The following PLB1 variants were observed in gnomAD, a reference collection of about 807,000 sequenced individuals.
The protein encoded by PLB1 is phospholipase B1, also known as phospholipase B1, membrane-associated.
PLB1 carries 242 observed loss-of-function variants against 227.4 expected under a neutral mutation model. The ratio of observed to expected loss-of-function variants is 1.06; its 90% CI spans 0.96 to 1.18. The LOEUF is 1.18. Ranked by LOEUF, PLB1 falls within the 50% of genes most tolerant of loss-of-function variation. The pLI is 0.00. For synonymous variants in PLB1, 757 were observed against 682.2 expected (o/e 1.11, Z -1.71); for missense variants, 1,858 against 1,816.3 (o/e 1.02, Z -0.42).
rs199956223 is a variant in PLB1, at chr2:28,541,724, C to T, written c.792C>T (p.Leu264=). The T allele has an allele frequency of 1.2e-6, 2 of 1,613,850 alleles. No homozygotes were observed. The highest frequency in any genetic ancestry group is 8.5e-7 in the Non-Finnish European group (1 of 1,179,988). Residue 264 remains leucine, a synonymous_variant, in exon 13 of 58, where the codon CTC becomes CTT. Transcript: ENST00000327757. ...TTCTCCAGGAAGCCTGGAACAGCCTCCTGGCCTCCAGCAGGTACAGTGAGC... is the reference window on the plus strand; with the variant it reads ...TTCTCCAGGAAGCCTGGAACAGCCTTCTGGCCTCCAGCAGGTACAGTGAGC... ...QWSYQEAWNS[L]LASSRYSEQE... is the part of the protein sequence containing the mutation.
At chr2:28,537,623 C>T in intron 9 of PLB1, among the ~76,000 whole-genome samples, 1 of 140,976 alleles carries the variant, frequency 7.1e-6, no homozygotes, top group Non-Finnish European at 1.5e-5. Context: ...CACACCACTG[C>T]ACTCCAACCT....
intron 56 of PLB1, among the ~76,000 whole-genome samples, chr2:28,634,070 C>T (rs1689015407): frequency 6.6e-6 from 1 of 152,192 alleles, no homozygotes; most frequent in Non-Finnish European, 1.5e-5. Context: ...CTCTAGCAAC[C>T]TCTTCTTTTA....
intron 1 of PLB1, among the ~76,000 whole-genome samples, chr2:28,497,867 T>G (rs1273685366): frequency 6.6e-6 from 1 of 151,916 alleles, no homozygotes; most frequent in Non-Finnish European, 1.5e-5. Flanking sequence ...TACAGGTGCC[T>G]GCCGCCGTGC....
At chr2:28,558,542 C>T (rs149158130) in intron 17 of PLB1, among the ~76,000 whole-genome samples, 17 of 152,318 alleles carry the variant, frequency 1.1e-4, no homozygotes, top group African/African-American at 3.1e-4. Flanking sequence ...CTGATGGACA[C>T]GCGCTAATGT....
Position 28,566,830 on chromosome 2 carries a change from ACCCTGGCGAGTGAGTACG to A in PLB1, c.1317_1324+10del, listed in dbSNP as rs763630788. The A allele has an allele frequency of 3.3e-5, 54 of 1,613,620 alleles. No individual in the cohort carries two copies. In the Admixed American group the frequency reaches 6.8e-4, roughly 20 times the overall value. On this transcript the variant is annotated splice_donor_variant and splice_donor_5th_base_variant and coding_sequence_variant and intron_variant, in exon 20 of 58. Transcript: ENST00000327757. LOFTEE classifies it high-confidence loss of function. ...AGATGAGAACATCGGCACCGTTACCACCCTGGCGAGTGAGTACGCGGCGGCGGCCGGGATGTTTGGTTT... is the reference window on the plus strand; with the variant it reads ...AGATGAGAACATCGGCACCGTTACCACGGCGGCGGCCGGGATGTTTGGTTT...
intron 21 of PLB1, among the ~76,000 whole-genome samples, chr2:28,576,224 G>A (rs561832949): frequency 6.6e-6 from 1 of 152,302 alleles, no homozygotes; most frequent in African/African-American, 2.4e-5. Context: ...ATAGCACAAA[G>A]AGGCCACATG....
intron 19 of PLB1, 46 bp downstream of exon 19, chr2:28,565,399 G>A (rs1676718850): frequency 6.5e-7 from 1 of 1,527,574 alleles, no homozygotes; most frequent in Non-Finnish European, 9.0e-7. Context: ...TCATTGCAGA[G>A]CAAGGGAAGC....
chr2:28,578,601 C>T (rs1287195047), intron 22 of PLB1, among the ~76,000 whole-genome samples: 2 of 152,042 alleles, frequency 1.3e-5, no homozygotes, highest in Non-Finnish European at 2.9e-5. Context: ...CGGGAGAGCC[C>T]TGGTCTGCAA....
At chr2:28,599,998 C>A (rs1363590785) in intron 35 of PLB1, among the ~76,000 whole-genome samples, 1 of 152,172 alleles carries the variant, frequency 6.6e-6, no homozygotes, top group Non-Finnish European at 1.5e-5. Flanking sequence ...ACCTTCACCT[C>A]CCAGGTTTAA....
intron 56 of PLB1, among the ~76,000 whole-genome samples, chr2:28,639,163 G>T (rs1371413630): frequency 1.3e-5 from 2 of 152,160 alleles, no homozygotes; most frequent in Non-Finnish European, 2.9e-5. Context: ...CTAGCCCTGG[G>T]CATTCATTCC....
At chr2:28,608,103 G>T (rs527766974) in intron 43 of PLB1, among the ~76,000 whole-genome samples, 1 of 152,298 alleles carries the variant, frequency 6.6e-6, no homozygotes, top group East Asian at 1.9e-4. Context: ...TCTAGACAGA[G>T]CCCAATGGAG....
chr2:28,551,452 C>G (rs1997267), intron 16 of PLB1, among the ~76,000 whole-genome samples: 1 of 152,044 alleles, frequency 6.6e-6, no homozygotes, highest in Non-Finnish European at 1.5e-5. Context: ...TTCTTCCCTC[C>G]CTATTTTATG....
intron 20 of PLB1, among the ~76,000 whole-genome samples, chr2:28,569,437 C>A (rs1677621554): frequency 6.6e-6 from 1 of 151,756 alleles, no homozygotes; most frequent in Admixed American, 6.6e-5. Flanking sequence ...TTAGTAAAGG[C>A]AATTAGAATG....
intron 13 of PLB1, among the ~76,000 whole-genome samples, chr2:28,542,387 C>T (rs1038415249): frequency 2.6e-5 from 4 of 152,098 alleles, no homozygotes; most frequent in South Asian, 2.1e-4. Flanking sequence ...AGCTTCCCCT[C>T]CTAGCTCTGG....
chr2:28,549,821 G>A (rs570063076), intron 15 of PLB1, among the ~76,000 whole-genome samples, 189 bp from the exon 16 acceptor site: 3 of 152,256 alleles, frequency 2.0e-5, no homozygotes. Context: ...TATCACAAAT[G>A]GGAAATGTCA....
intron 56 of PLB1, among the ~76,000 whole-genome samples, chr2:28,634,220 G>C: frequency 6.6e-6 from 1 of 152,178 alleles, no homozygotes; most frequent in South Asian, 2.1e-4. Flanking sequence ...TACTCTTTCA[G>C]CCCAAGACTC....
chr2:28,626,584 C>A, intron 51 of PLB1, 76 bp downstream of exon 51: 2 of 1,324,298 alleles, frequency 1.5e-6, no homozygotes, highest in Admixed American at 1.7e-5. Flanking sequence ...CCCATCCATC[C>A]CTGGCCCTGC....
intron 15 of PLB1, 23 bp downstream of exon 15, chr2:28,548,954 G>A: frequency 6.2e-7 from 1 of 1,611,942 alleles, no homozygotes; most frequent in Non-Finnish European, 8.5e-7. Context: ...GGGCAGAGGA[G>A]GGACTCTTAT....
intron 56 of PLB1, among the ~76,000 whole-genome samples, chr2:28,639,042 T>C (rs1189433791): frequency 6.8e-6 from 1 of 147,344 alleles, no homozygotes; most frequent in Non-Finnish European, 1.5e-5. Flanking sequence ...CACTCCAGCC[T>C]GGGTGACAGG....
Sources: gnomAD v4.1 joint callset for allele counts (sites outside exome capture counted in the v4.1 genomes callset) on GRCh38, gnomAD v4.1.1 for gene constraint, MANE v1.5 for transcripts, NCBI Gene and HGNC (gene_info 2026-07-23, HGNC 2026-07-21) for gene names.